NOTCH2NLC: variants seen among roughly 807,000 people sequenced by gnomAD.
NOTCH2NLC encodes notch homolog 2 N-terminal-like protein C.
A neutral mutation model predicts 17.7 loss-of-function variants in NOTCH2NLC; 4 were observed. That is an observed-to-expected ratio of 0.23 (90% confidence interval 0.11 to 0.52). The LOEUF is 0.52. Among genes scored for constraint, NOTCH2NLC ranks in the 20% least tolerant of loss-of-function variants. The pLI, the probability that NOTCH2NLC is intolerant of heterozygous loss-of-function variation, is 0.96. For synonymous variants in NOTCH2NLC, 18 were observed against 86.0 expected, an observed-to-expected ratio of 0.21 and a Z score of 4.38; for missense variants, 57 against 207.2, an observed-to-expected ratio of 0.28 and a Z score of 4.45.
chr1:149,398,146 C>T (rs1454918214), intron 1 of NOTCH2NLC, among the ~76,000 whole-genome samples: 21 of 151,320 alleles, frequency 1.4e-4, no homozygotes, highest in African/African-American at 2.2e-4. Context: ...CAGGGAAAGG[C>T]GACCTCCAGC....
intron 2 of NOTCH2NLC, among the ~76,000 whole-genome samples, chr1:149,439,977 G>A (rs2101495907): frequency 6.7e-6 from 1 of 149,172 alleles, no homozygotes; most frequent in South Asian, 2.1e-4. Flanking sequence ...GACTAAGAAA[G>A]GCATTATTTA....
At position 149,433,808 on chromosome 1, in the gene NOTCH2NLC, C is replaced by T. The variant is rs1160156601; in HGVS notation, c.209+2793C>T. Among the ~76,000 whole-genome samples the T allele has an allele frequency of 1.5e-3, 223 of 150,868 alleles. 5 individuals are homozygous for T. Among genetic ancestry groups the T allele is most frequent in the Middle Eastern group, 0.01 (3 of 286 alleles). On this transcript the variant is annotated intron_variant, in intron 2 of 4. Coordinates refer to ENST00000650865, the MANE Select transcript of NOTCH2NLC (RefSeq NM_001364013.2). ...CTAAAAATGCAAAAGATTAGCTGGG[C>T]GTGGTGGCACGCACCTGTAATCCCA...
Position 149,433,685 on chromosome 1 carries a change from G to A in NOTCH2NLC, c.209+2670G>A. The stretch of plus-strand genomic sequence containing the variant: ...ACCTAAGGGTCACTGTTGGGAAGAA[G>A]TCCAATAGTTCTTTGTTGGACTGTT... On this transcript the variant is annotated intron_variant, in intron 2 of 4. Transcript: ENST00000650865. Among the ~76,000 whole-genome samples the A allele has an allele frequency of 1.4e-5, 2 of 147,106 alleles. 1 individual carries two copies. Among genetic ancestry groups the A allele is most frequent in the Non-Finnish European group, 3.0e-5 (2 of 66,060 alleles).
In NOTCH2NLC at chr1:149,393,775, G is replaced by A. The variant is rs1409568115; in HGVS notation, c.135+2853G>A. On this transcript the variant is annotated intron_variant, in intron 1 of 4. Coordinates refer to ENST00000650865, the MANE Select transcript of NOTCH2NLC (RefSeq NM_001364013.2). ...TTTTTTTTTGGTGTGGTGGAGAGGA[G>A]GAGGAGAGTGATTCCTAGTCTCTCT... 7.3e-5 allele frequency among the ~76,000 whole-genome samples: 9 copies of A among 122,754 alleles called. 1 individual carries two copies. Among genetic ancestry groups the A allele is most frequent in the South Asian group, 3.1e-4 (1 of 3,196 alleles). 80.5% of individuals were successfully genotyped at this position (122,754 alleles called of 152,430 possible).
In NOTCH2NLC at chr1:149,407,017, A is replaced by T. The variant is rs1276460070; in HGVS notation, c.135+16095A>T. Among the ~76,000 whole-genome samples the T allele has an allele frequency of 2.7e-5, 4 of 149,204 alleles. No individual in the cohort carries two copies. In the East Asian group the frequency reaches 8.1e-4, roughly 30 times the overall value. On this transcript the variant is annotated intron_variant, in intron 1 of 4. Coordinates refer to ENST00000650865, the MANE Select transcript of NOTCH2NLC (RefSeq NM_001364013.2). ...TTTGTAGGTTAACTCACTGTGAATC[A>T]AAAGCTTTTAAAAATCTTTTGTGTG...
chr1:149,463,199 GACTCC>G (rs2084661580), intron 3 of NOTCH2NLC, among the ~76,000 whole-genome samples: 1 of 150,282 alleles, frequency 6.7e-6, no homozygotes, highest in Non-Finnish European at 1.5e-5. Context: ...GATGGATCCA[GACTCC>G]TATTGCTGAT....
At chr1:149,407,028 A>C (rs1449021120) in intron 1 of NOTCH2NLC, among the ~76,000 whole-genome samples, 1 of 148,926 alleles carries the variant, frequency 6.7e-6, no homozygotes, top group Non-Finnish European at 1.5e-5. Flanking sequence ...AAAGCTTTTA[A>C]AAATCTTTTG....
intron 2 of NOTCH2NLC, among the ~76,000 whole-genome samples, chr1:149,449,908 G>A (rs1291221099): frequency 6.7e-6 from 1 of 149,102 alleles, no homozygotes; most frequent in African/African-American, 2.5e-5. Flanking sequence ...TTTGTGTGTG[G>A]CTTCTTTCAC....
chr1:149,393,069 C>CA (rs1158506660), intron 1 of NOTCH2NLC, among the ~76,000 whole-genome samples: 4,785 of 41,960 alleles, frequency 0.11, 367 homozygotes, highest in Non-Finnish European at 0.18. Context: ...GACTCCGTCT[C>CA]AAAAAAAAAA....
At chr1:149,424,888 G>A (rs2084404416) in intron 1 of NOTCH2NLC, among the ~76,000 whole-genome samples, 1 of 151,138 alleles carries the variant, frequency 6.6e-6, no homozygotes, top group Admixed American at 6.6e-5. Context: ...AGCTCACATG[G>A]TAGCGAGAAC....
chr1:149,430,624 G>A (rs1308403478), intron 1 of NOTCH2NLC, among the ~76,000 whole-genome samples: 3 of 143,446 alleles, frequency 2.1e-5, no homozygotes, highest in Non-Finnish European at 4.6e-5. Flanking sequence ...TAAATCCCAA[G>A]ATGATGTGTC....
At chr1:149,413,545 A>G (rs1274534547) in intron 1 of NOTCH2NLC, among the ~76,000 whole-genome samples, 19 of 151,194 alleles carry the variant, frequency 1.3e-4, no homozygotes, top group Non-Finnish European at 2.4e-4. Context: ...TTAATTACCA[A>G]TTATTTTGAT....
At chr1:149,451,930 CT>C (rs1156702193) in intron 2 of NOTCH2NLC, among the ~76,000 whole-genome samples, 2 of 17,170 alleles carry the variant, frequency 1.2e-4, no homozygotes, top group Admixed American at 5.8e-4. Flanking sequence ...TGAGATACTT[CT>C]CTTTGCTCAC....
intron 1 of NOTCH2NLC, among the ~76,000 whole-genome samples, chr1:149,420,110 T>C (rs2084371173): frequency 6.7e-6 from 1 of 150,028 alleles, no homozygotes. Context: ...GACCTCGTGA[T>C]CCGCCCACCT....
chr1:149,433,735 A>G (rs2084466623), intron 2 of NOTCH2NLC, among the ~76,000 whole-genome samples: 1 of 148,784 alleles, frequency 6.7e-6, no homozygotes, highest in African/African-American at 2.5e-5. Flanking sequence ...ATACTCTCCA[A>G]CCAAGGTTGG....
intron 1 of NOTCH2NLC, among the ~76,000 whole-genome samples, chr1:149,400,817 C>T (rs1262803132): frequency 1.3e-5 from 2 of 148,354 alleles, no homozygotes; most frequent in Non-Finnish European, 3.0e-5. Context: ...CATTTAACAT[C>T]CCTGAAAGGC....
Position 149,390,861 on chromosome 1 carries a change from C to T in NOTCH2NLC, c.74C>T (p.Pro25Leu), listed in dbSNP as rs2084161565. ...GGGGDREDAR[P>L]APLCCGRCWR... ...GGCGGCGACCGAGAAGATGCCCGCC[C>T]TGCGCCGCTCTGCTGTGGGCGCTGC... Residue 25 changes from proline to leucine, a missense_variant, in exon 1 of 5, where the codon CCT becomes CTT. Physicochemically the swap from Pro to Leu is moderately conservative, Grantham distance 98 (BLOSUM62 -3). Transcript: ENST00000650865. The T allele has an allele frequency of 1.4e-6, 2 of 1,397,168 alleles. No homozygotes were observed. Among genetic ancestry groups the T allele is most frequent in the South Asian group, 1.4e-5 (1 of 73,802 alleles). 86.5% of individuals were successfully genotyped at this position (1,397,168 alleles called of 1,614,324 possible). A position where few individuals can be genotyped will look rare whatever the true frequency, so the allele number is the denominator to read the frequency against.
chr1:149,417,208 C>T (rs1316722155), intron 1 of NOTCH2NLC, among the ~76,000 whole-genome samples: 1 of 138,950 alleles, frequency 7.2e-6, no homozygotes, highest in African/African-American at 2.6e-5. Flanking sequence ...CTCCCGGGTT[C>T]ACGCCATTCT....
intron 1 of NOTCH2NLC, among the ~76,000 whole-genome samples, chr1:149,395,525 C>G (rs1168409966): frequency 0.028 from 4,179 of 150,458 alleles, 254 homozygotes; most frequent in Non-Finnish European, 0.046. Context: ...AATCTCACTT[C>G]AAAGGCACTG....
Sources: allele counts gnomAD v4.1 joint callset (sites outside exome capture counted in the v4.1 genomes callset), GRCh38; gene constraint gnomAD v4.1.1; transcripts MANE v1.5; gene names NCBI Gene and HGNC (gene_info 2026-07-23, HGNC 2026-07-21).